Variants in EVL observed in about 807,000 individuals in gnomAD.
The protein encoded by EVL is ena/VASP-like protein.
EVL carries 21 observed loss-of-function variants against 59.6 expected under a neutral mutation model. The observed-to-expected ratio is 0.35, with a 90% confidence interval of 0.25 to 0.51. The LOEUF is 0.51. Among genes scored for constraint, EVL ranks in the 20% least tolerant of loss-of-function variants. The pLI is 0.97. For synonymous variants in EVL, 198 were observed against 203.5 expected (o/e 0.97, Z 0.23); for missense variants, 462 against 546.6 (o/e 0.85, Z 1.54).
chr14:100,036,798 G>A (rs886233311), intron 1 of EVL, among the ~76,000 whole-genome samples: 6 of 152,104 alleles, frequency 3.9e-5, no homozygotes, highest in Admixed American at 6.6e-5. Flanking sequence ...GCACTGTTAC[G>A]GACTAAATTA....
intron 1 of EVL, among the ~76,000 whole-genome samples, chr14:100,006,022 C>CAA (rs2060978162): frequency 6.7e-6 from 1 of 148,750 alleles, no homozygotes; most frequent in African/African-American, 2.5e-5. Context: ...CCCCCCCCCC[C>CAA]CACACCGACA....
chr14:100,062,518 A>G (rs1169852562), upstream of EVL, among the ~76,000 whole-genome samples: 1 of 152,200 alleles, frequency 6.6e-6, no homozygotes, highest in Admixed American at 6.5e-5. Flanking sequence ...GAATACAGGA[A>G]ACGAAGAACA....
intron 2 of EVL, among the ~76,000 whole-genome samples, chr14:100,086,520 C>T (rs2062446722): frequency 6.6e-6 from 1 of 152,176 alleles, no homozygotes; most frequent in African/African-American, 2.4e-5. Flanking sequence ...CTCTTGGTTG[C>T]CCTCCAGGGC....
chr14:100,000,760 T>G (rs1338447759), intron 1 of EVL, among the ~76,000 whole-genome samples: 5 of 152,168 alleles, frequency 3.3e-5, no homozygotes, highest in Admixed American at 6.5e-5. Context: ...AGTTCCCAGT[T>G]TGACTTTTCC....
At chr14:99,976,167 C>G (rs1345718756) in intron 1 of EVL, among the ~76,000 whole-genome samples, 2 of 151,732 alleles carry the variant, frequency 1.3e-5, no homozygotes, top group African/African-American at 4.8e-5. Flanking sequence ...AGGCACACGC[C>G]CCCATGGCCA....
intron 1 of EVL, among the ~76,000 whole-genome samples, chr14:100,070,676 A>C (rs1416645073): frequency 6.6e-6 from 1 of 152,152 alleles, no homozygotes; most frequent in Non-Finnish European, 1.5e-5. Context: ...TTGTGTCTTC[A>C]GGGGTGTTTG....
intron 3 of EVL, among the ~76,000 whole-genome samples, chr14:100,100,126 TAAG>T (rs2140324763): frequency 6.6e-6 from 1 of 152,054 alleles, no homozygotes; most frequent in East Asian, 1.9e-4. Context: ...CATTTTCAGA[TAAG>T]AAAGCCATGC....
intron 1 of EVL, among the ~76,000 whole-genome samples, chr14:100,052,427 A>G (rs973822529): frequency 3.3e-5 from 5 of 151,872 alleles, no homozygotes; most frequent in African/African-American, 2.4e-5. Context: ...ATTTAAATTT[A>G]CCTTGAAAAA....
At chr14:100,133,040 A>G (rs951887633) in intron 8 of EVL, among the ~76,000 whole-genome samples, 5 of 152,228 alleles carry the variant, frequency 3.3e-5, no homozygotes, top group African/African-American at 1.2e-4. Flanking sequence ...TGGCCGCTGC[A>G]CCGCAGGGCT....
At chr14:100,089,141 C>T (rs1297811299) in intron 2 of EVL, among the ~76,000 whole-genome samples, 1 of 152,166 alleles carries the variant, frequency 6.6e-6, no homozygotes, top group African/African-American at 2.4e-5. Flanking sequence ...CTTCAAAACA[C>T]ATAACGCAAA....
chr14:100,044,008 G>A (rs1306723884), intron 1 of EVL, among the ~76,000 whole-genome samples: 1 of 152,124 alleles, frequency 6.6e-6, no homozygotes, highest in Non-Finnish European at 1.5e-5. Flanking sequence ...CCCACATTGA[G>A]GGTAGGTCTT....
At chr14:99,986,164 T>C (rs1488987107) in intron 1 of EVL, among the ~76,000 whole-genome samples, 2 of 151,730 alleles carry the variant, frequency 1.3e-5, no homozygotes, top group South Asian at 2.1e-4. Context: ...TGGTGGCATG[T>C]GCCTGTAGTC....
intron 5 of EVL, among the ~76,000 whole-genome samples, 194 bp downstream of exon 5, chr14:100,126,965 C>G (rs115783985): frequency 6.6e-6 from 1 of 152,192 alleles, no homozygotes; most frequent in Non-Finnish European, 1.5e-5. Flanking sequence ...GTCTGCTCAG[C>G]TGGGTCTGGC....
chr14:100,102,980 T>G (rs777726105), intron 3 of EVL, among the ~76,000 whole-genome samples: 1 of 151,778 alleles, frequency 6.6e-6, no homozygotes, highest in Non-Finnish European at 1.5e-5. Context: ...CGTGCACCTC[T>G]AGTCCCAGCT....
Position 100,126,804 on chromosome 14 carries a change from ATGC to A in EVL, c.487+40_487+42del, listed in dbSNP as rs1032286692. On this transcript the variant is annotated intron_variant, in intron 5 of 13. Coordinates refer to ENST00000392920, the MANE Select transcript of EVL (RefSeq NM_016337.3). ...CCCTCCTCCCCTAGGGCCGACTCCC[ATGC>A]TGCTGCCAGGTGGCAGCCCCTCCAC... 3.1e-6 allele frequency: 5 copies of A among 1,604,074 alleles called. No individual in the cohort carries two copies. The African/African-American group carries it at 4.0e-5, about 13-fold the overall frequency.
intron 1 of EVL, among the ~76,000 whole-genome samples, chr14:100,022,738 A>G (rs545797055): frequency 2.0e-5 from 3 of 152,204 alleles, no homozygotes; most frequent in Non-Finnish European, 4.4e-5. Context: ...TAAGACCTTA[A>G]TGAGCAGTTG....
chr14:100,034,618 G>C (rs993169361), intron 1 of EVL, among the ~76,000 whole-genome samples: 4 of 152,022 alleles, frequency 2.6e-5, no homozygotes, highest in African/African-American at 9.6e-5. Context: ...ATGCTTGTGG[G>C]CCCAGCTAAT....
At chr14:99,997,311 T>A (rs1490620167) in intron 1 of EVL, among the ~76,000 whole-genome samples, 2 of 152,262 alleles carry the variant, frequency 1.3e-5, no homozygotes, top group African/African-American at 4.8e-5. Flanking sequence ...GATGTAGGTG[T>A]TTAATGATCA....
At chr14:100,131,079 G>A (rs554188039) in intron 7 of EVL, among the ~76,000 whole-genome samples, 2 of 152,376 alleles carry the variant, frequency 1.3e-5, no homozygotes, top group East Asian at 1.9e-4. Context: ...GGAGAGCTAG[G>A]TGTGGAGGAA....
Sources: gnomAD v4.1 joint callset for allele counts (sites outside exome capture counted in the v4.1 genomes callset) on GRCh38, gnomAD v4.1.1 for gene constraint, MANE v1.5 for transcripts, NCBI Gene and HGNC (gene_info 2026-07-23, HGNC 2026-07-21) for gene names.